The following RAB31 variants were observed in gnomAD, a reference collection of about 807,000 sequenced individuals.
RAB31 encodes ras-related protein Rab-31.
Under a neutral mutation model 25.6 loss-of-function variants are expected in RAB31, and 21 were observed. The observed-to-expected ratio is 0.82, with a 90% CI of 0.58 to 1.18. RAB31 has a LOEUF of 1.18. RAB31 is among the 50% of genes most tolerant of loss of function. The pLI is 0.00. For missense variants in RAB31, 196 were observed against 250.1 expected (o/e 0.78, Z 1.46); for synonymous variants, 87 against 84.0 (o/e 1.04, Z -0.20).
chr18:9,852,469 G>A (rs1339316122), intron 6 of RAB31, among the ~76,000 whole-genome samples: 1 of 152,052 alleles, frequency 6.6e-6, no homozygotes, highest in African/African-American at 2.4e-5. Flanking sequence ...TGTCTTTTAG[G>A]CCTCTCTTAA....
In RAB31 at chr18:9,746,762, A is replaced by T. The variant is rs376605735; in HGVS notation, c.40-28516A>T. On this transcript the variant is annotated intron_variant, in intron 1 of 6. Coordinates refer to ENST00000578921, the MANE Select transcript of RAB31 (RefSeq NM_006868.4). Reference sequence around the variant, plus strand: ...ACACATTTGCATACCCTTTATACAAAAATCAATTCAAAATGCTCAATGACC... The same window carrying T: ...ACACATTTGCATACCCTTTATACAATAATCAATTCAAAATGCTCAATGACC... 1.4e-4 allele frequency among the ~76,000 whole-genome samples: 21 copies of T among 152,348 alleles called. No homozygotes were observed. In the South Asian group the frequency reaches 2.5e-3, roughly 18 times the overall value.
intron 1 of RAB31, among the ~76,000 whole-genome samples, chr18:9,759,970 C>T (rs182715959): frequency 6.6e-6 from 1 of 151,976 alleles, no homozygotes; most frequent in African/African-American, 2.4e-5. Flanking sequence ...AGCACGTTCT[C>T]GGGAAGTGTG....
At chr18:9,848,330 A>G (rs1451085351) in intron 6 of RAB31, among the ~76,000 whole-genome samples, 1 of 151,644 alleles carries the variant, frequency 6.6e-6, no homozygotes, top group African/African-American at 2.4e-5. Context: ...CTAGCTGTCC[A>G]TCTGTCTATC....
Position 9,861,516 on chromosome 18 carries a change from A to G in RAB31, c.*2191A>G, listed in dbSNP as rs959414586. ...AGAGTAGATCACACTTGGGCACACC[A>G]GGATTCACATAAACATTGTATCTTC... On this transcript the variant is annotated 3_prime_UTR_variant, in exon 7 of 7. Coordinates refer to ENST00000578921, the MANE Select transcript of RAB31 (RefSeq NM_006868.4). 6.6e-6 allele frequency: 1 copy of G among 152,160 alleles called. No individual in the cohort carries two copies. The highest frequency in any genetic ancestry group is 2.4e-5 in the African/African-American group (1 of 41,452). 9.4% of individuals were successfully genotyped at this position (152,160 alleles called of 1,614,324 possible).
intron 2 of RAB31, among the ~76,000 whole-genome samples, chr18:9,776,749 G>A (rs2068374151): frequency 6.6e-6 from 1 of 152,136 alleles, no homozygotes; most frequent in Non-Finnish European, 1.5e-5. Context: ...GCAGGGGGCT[G>A]TGTTACGGGA....
intron 3 of RAB31, among the ~76,000 whole-genome samples, chr18:9,802,730 GAGGGCT>G (rs1218529323): frequency 6.6e-6 from 1 of 152,254 alleles, no homozygotes; most frequent in African/African-American, 2.4e-5. Context: ...CATGTGCCCA[GAGGGCT>G]GGGATGCACT....
chr18:9,807,099 G>A (rs1207178802), intron 3 of RAB31, among the ~76,000 whole-genome samples: 2 of 152,316 alleles, frequency 1.3e-5, no homozygotes, highest in East Asian at 1.9e-4. Flanking sequence ...GTGCGGCTGC[G>A]TGAGAGCTGG....
intron 5 of RAB31, chr18:9,816,135 C>T (rs867088552): frequency 1.2e-4 from 17 of 144,666 alleles, no homozygotes; most frequent in South Asian, 4.2e-4. Flanking sequence ...TAGATGCTGT[C>T]CTCCATCCCT....
chr18:9,785,701 A>G (rs918204546), intron 2 of RAB31, among the ~76,000 whole-genome samples: 2 of 152,190 alleles, frequency 1.3e-5, no homozygotes, highest in African/African-American at 4.8e-5. Context: ...GAACCTGAAC[A>G]CACAGGCCTT....
At chr18:9,812,624 T>C (rs1364730862) in intron 3 of RAB31, among the ~76,000 whole-genome samples, 2 of 152,032 alleles carry the variant, frequency 1.3e-5, no homozygotes, top group African/African-American at 4.8e-5. Flanking sequence ...TTTATATATA[T>C]CTTTGTCCAT....
At position 9,793,266 on chromosome 18, in the gene RAB31, T is replaced by G. The variant is rs376016336; in HGVS notation, c.201+1031T>G. On this transcript the variant is annotated intron_variant, in intron 3 of 6. Transcript: ENST00000578921. Reference sequence around the variant, plus strand: ...TTTTTTTTTTTTCTTTTGTAGAGCCTGGGGTCTCGCTATGTTGCCCAAGCT... The same window carrying G: ...TTTTTTTTTTTTCTTTTGTAGAGCCGGGGGTCTCGCTATGTTGCCCAAGCT... 6.0e-3 allele frequency among the ~76,000 whole-genome samples: 907 copies of G among 151,852 alleles called. 12 individuals carry two copies. The highest frequency in any genetic ancestry group is 0.021 in the African/African-American group (858 of 41,390).
At chr18:9,825,478 T>C (rs766438081) in intron 5 of RAB31, among the ~76,000 whole-genome samples, 1 of 152,210 alleles carries the variant, frequency 6.6e-6, no homozygotes, top group Admixed American at 6.5e-5. Flanking sequence ...TTTAAAAGTT[T>C]CATGAATTCA....
chr18:9,711,154 T>C (rs186334851), intron 1 of RAB31, among the ~76,000 whole-genome samples: 58 of 151,652 alleles, frequency 3.8e-4, no homozygotes, highest in African/African-American at 1.1e-3. Flanking sequence ...CATTTGACTG[T>C]CTTCGGTTTA....
intron 5 of RAB31, among the ~76,000 whole-genome samples, chr18:9,823,729 A>G (rs1186647262): frequency 6.6e-6 from 1 of 152,228 alleles, no homozygotes; most frequent in Non-Finnish European, 1.5e-5. Flanking sequence ...TGTATTTGAC[A>G]AAAATTTTGT....
intron 5 of RAB31, among the ~76,000 whole-genome samples, chr18:9,834,264 C>T (rs769246349): frequency 3.3e-5 from 5 of 151,944 alleles, no homozygotes; most frequent in Non-Finnish European, 7.4e-5. Flanking sequence ...TACAGGCGCC[C>T]GCCACCACGC....
chr18:9,733,483 C>G (rs1466261), intron 1 of RAB31, among the ~76,000 whole-genome samples: 22,083 of 152,174 alleles, frequency 0.15, 1,691 homozygotes, highest in Middle Eastern at 0.21. Context: ...CCAGAGCTGT[C>G]CCACCCTTCA....
intron 3 of RAB31, chr18:9,797,508 G>T (rs2068492928): frequency 6.6e-6 from 1 of 152,182 alleles, no homozygotes; most frequent in South Asian, 2.1e-4. Context: ...CCATTTGCAG[G>T]TGAGGTCACT....
chr18:9,855,648 C>T (rs1032886245), intron 6 of RAB31, among the ~76,000 whole-genome samples: 1 of 152,124 alleles, frequency 6.6e-6, no homozygotes, highest in Non-Finnish European at 1.5e-5. Context: ...TTCTGGTTTC[C>T]TGGTGCAGGC....
chr18:9,712,593 G>A (rs1282580546), intron 1 of RAB31, among the ~76,000 whole-genome samples: 2 of 152,202 alleles, frequency 1.3e-5, no homozygotes, highest in African/African-American at 4.8e-5. Context: ...AACCCCAAAG[G>A]TGGAAAAGTT....
Sources: gnomAD v4.1 joint callset for allele counts (sites outside exome capture counted in the v4.1 genomes callset) on GRCh38, gnomAD v4.1.1 for gene constraint, MANE v1.5 for transcripts, NCBI Gene and HGNC (gene_info 2026-07-23, HGNC 2026-07-21) for gene names.